The following WDPCP variants were observed in gnomAD, a reference collection of about 807,000 sequenced individuals.
The protein encoded by WDPCP is WD repeat containing planar cell polarity effector, also known as WD repeat-containing and planar cell polarity effector protein fritz homolog.
In WDPCP, 71 loss-of-function variants were observed where a neutral mutation model predicts 93.1. The observed-to-expected ratio is 0.76, with a 90% CI of 0.63 to 0.93. The LOEUF (loss-of-function observed/expected upper bound fraction) is 0.93. WDPCP is among the 40% of genes least tolerant of loss of function. The pLI, the probability that WDPCP is intolerant of heterozygous loss-of-function variation, is 0.00. For synonymous variants in WDPCP, 315 were observed against 315.0 expected (o/e 1.00, Z 0.00); for missense variants, 844 against 887.4 (o/e 0.95, Z 0.62).
chr2:63,597,283 G>A (rs1709332251), intron 3 of WDPCP: 2 of 1,252,982 alleles, frequency 1.6e-6, no homozygotes, highest in African/African-American at 1.5e-5. Flanking sequence ...GTATATCAGT[G>A]TGATATGTAA....
At chr2:63,696,043 C>T (rs1668956221) in intron 2 of WDPCP, among the ~76,000 whole-genome samples, 1 of 152,082 alleles carries the variant, frequency 6.6e-6, no homozygotes, top group African/African-American at 2.4e-5. Flanking sequence ...AGGGAATTCT[C>T]TAGGAAGTGG....
intron 4 of WDPCP, among the ~76,000 whole-genome samples, chr2:63,485,861 T>C (rs1700544892): frequency 6.6e-6 from 1 of 151,780 alleles, no homozygotes; most frequent in Non-Finnish European, 1.5e-5. Context: ...AATTTAAGAG[T>C]AGAATTGCTA....
intron 6 of WDPCP, among the ~76,000 whole-genome samples, chr2:63,455,723 C>T (rs1451424539): frequency 2.6e-5 from 4 of 152,068 alleles, no homozygotes; most frequent in South Asian, 2.1e-4. Context: ...GACTCCAACA[C>T]AATAATAGTA....
intron 1 of WDPCP, among the ~76,000 whole-genome samples, chr2:63,527,451 T>A (rs1236582992): frequency 1.4e-5 from 2 of 145,136 alleles, no homozygotes; most frequent in African/African-American, 5.1e-5. Flanking sequence ...TTCCCAGCTA[T>A]GAGTGAGAAC....
chr2:63,325,746 C>G (rs527647993), intron 12 of WDPCP, among the ~76,000 whole-genome samples: 2 of 152,134 alleles, frequency 1.3e-5, no homozygotes, highest in African/African-American at 4.8e-5. Context: ...ATTAGCTACA[C>G]GAATATGGGG....
chr2:63,153,357 A>G (rs1170699366), intron 16 of WDPCP, 138 bp downstream of exon 16: 4 of 588,762 alleles, frequency 6.8e-6, no homozygotes, highest in African/African-American at 1.9e-5. Context: ...GGTATTTTAT[A>G]TCAATGACAA....
chr2:63,667,725 C>T (rs187155699), intron 2 of WDPCP, among the ~76,000 whole-genome samples: 36 of 151,206 alleles, frequency 2.4e-4, no homozygotes, highest in Non-Finnish European at 4.6e-4. Flanking sequence ...GATAGGGTCC[C>T]ATGATATCCC....
chr2:63,267,823 G>A (rs1369940454), intron 13 of WDPCP, among the ~76,000 whole-genome samples: 2 of 152,080 alleles, frequency 1.3e-5, no homozygotes, highest in East Asian at 3.9e-4. Flanking sequence ...AAGAAAAAAA[G>A]AACAAGTGTT....
intron 12 of WDPCP, among the ~76,000 whole-genome samples, chr2:63,322,845 C>CT (rs1687228245): frequency 1.3e-5 from 2 of 152,190 alleles, no homozygotes; most frequent in Admixed American, 1.3e-4. Flanking sequence ...CATCGGACCC[C>CT]TTTCGCTTGC....
At chr2:63,253,853 C>CA (rs1380546428) in intron 14 of WDPCP, among the ~76,000 whole-genome samples, 3 of 152,062 alleles carry the variant, frequency 2.0e-5, no homozygotes, top group African/African-American at 7.2e-5. Context: ...TGAGAACTAT[C>CA]ATTCAACCCG....
At chr2:63,283,286 G>A (rs1306169052) in intron 13 of WDPCP, among the ~76,000 whole-genome samples, 3 of 152,104 alleles carry the variant, frequency 2.0e-5, no homozygotes, top group East Asian at 1.9e-4. Flanking sequence ...CAAGCAATCC[G>A]CCTGCCTGAA....
At chr2:63,558,635 C>T (rs541530188) in intron 1 of WDPCP, among the ~76,000 whole-genome samples, 1 of 151,762 alleles carries the variant, frequency 6.6e-6, no homozygotes, top group South Asian at 2.1e-4. Flanking sequence ...ATACAAACAT[C>T]GGAGAATACT....
At chr2:63,806,167 C>T (rs946044748) in intron 2 of WDPCP, among the ~76,000 whole-genome samples, 1 of 152,136 alleles carries the variant, frequency 6.6e-6, no homozygotes, top group African/African-American at 2.4e-5. Context: ...GGAACCTGCC[C>T]TGATATTCAC....
At chr2:63,451,323 C>T (rs1033803924) in intron 6 of WDPCP, among the ~76,000 whole-genome samples, 10 of 151,972 alleles carry the variant, frequency 6.6e-5, no homozygotes, top group Admixed American at 1.3e-4. Context: ...AAGATATATG[C>T]AAATAAACTA....
At chr2:63,217,102 G>A (rs1278635324) in intron 14 of WDPCP, among the ~76,000 whole-genome samples, 1 of 152,188 alleles carries the variant, frequency 6.6e-6, no homozygotes, top group African/African-American at 2.4e-5. Flanking sequence ...ACCAAACTAA[G>A]TTCAGACAAA....
chr2:63,473,499 A>G (rs933837468), intron 6 of WDPCP, among the ~76,000 whole-genome samples: 1 of 152,128 alleles, frequency 6.6e-6, no homozygotes, highest in African/African-American at 2.4e-5. Flanking sequence ...CTCCTAATGC[A>G]CTTGGTCATC....
chr2:63,767,558 T>C (rs1218402528), intron 2 of WDPCP, among the ~76,000 whole-genome samples: 2 of 152,156 alleles, frequency 1.3e-5, no homozygotes, highest in Non-Finnish European at 2.9e-5. Context: ...AGGTATATCA[T>C]TGTGGTTTTA....
At chr2:63,651,208 C>G (rs73934734) in intron 2 of WDPCP, among the ~76,000 whole-genome samples, 5 of 152,192 alleles carry the variant, frequency 3.3e-5, no homozygotes, top group African/African-American at 1.2e-4. Flanking sequence ...TTTTTAAAAG[C>G]CACTATACTT....
chr2:63,700,188 G>A (rs962054343), intron 2 of WDPCP, among the ~76,000 whole-genome samples: 1 of 150,874 alleles, frequency 6.6e-6, no homozygotes, highest in Non-Finnish European at 1.5e-5. Flanking sequence ...AGGCTGAAGT[G>A]GGAGGATCAC....
Sources: gnomAD v4.1 joint callset for allele counts (sites outside exome capture counted in the v4.1 genomes callset) on GRCh38, gnomAD v4.1.1 for gene constraint, MANE v1.5 for transcripts, NCBI Gene and HGNC (gene_info 2026-07-23, HGNC 2026-07-21) for gene names.